The following CSPP1 variants were observed in gnomAD, a reference collection of about 807,000 sequenced individuals.
CSPP1 encodes centrosome and spindle pole-associated protein 1.
CSPP1 carries 126 observed loss-of-function variants against 164.4 expected under a neutral mutation model. The observed-to-expected ratio is 0.77, with a 90% confidence interval of 0.66 to 0.89. CSPP1 has a LOEUF of 0.89. Ranked by LOEUF, CSPP1 falls within the 40% of genes least tolerant of loss-of-function variation. The probability of loss-of-function intolerance (pLI) is 0.00; values close to 1 mark genes in which losing one functional copy is unlikely to be tolerated. For synonymous variants in CSPP1, 472 were observed against 476.7 expected, an observed-to-expected ratio of 0.99 and a Z score of 0.13; for missense variants, 1,395 against 1,449.8, an observed-to-expected ratio of 0.96 and a Z score of 0.61.
At chr8:67,109,430 A>G (rs546664484) in intron 9 of CSPP1, among the ~76,000 whole-genome samples, 2 of 152,272 alleles carry the variant, frequency 1.3e-5, no homozygotes, top group African/African-American at 4.8e-5. Context: ...ACCTAAGATA[A>G]TCTCTCTTTT....
intron 13 of CSPP1, among the ~76,000 whole-genome samples, chr8:67,116,401 G>A (rs1487452429): frequency 6.6e-6 from 1 of 152,068 alleles, no homozygotes; most frequent in East Asian, 1.9e-4. Context: ...ATTTTGGGAT[G>A]TTTTTGATAT....
At chr8:67,087,697 T>C (rs1290376442) in intron 4 of CSPP1, among the ~76,000 whole-genome samples, 1 of 152,186 alleles carries the variant, frequency 6.6e-6, no homozygotes, top group Non-Finnish European at 1.5e-5. Context: ...ATCATTCTTT[T>C]TGAGAGTAGT....
At chr8:67,182,494 A>G (rs1833301961) in intron 28 of CSPP1, among the ~76,000 whole-genome samples, 1 of 152,220 alleles carries the variant, frequency 6.6e-6, no homozygotes, top group Non-Finnish European at 1.5e-5. Flanking sequence ...TCTTTTGGGT[A>G]TACACTAAGA....
rs1328155596 is a variant in CSPP1, at chr8:67,164,489, G to A, written c.2809G>A (p.Asp937Asn). Residue 937 changes from aspartate (D) to asparagine (N), a missense_variant, in exon 24 of 31, where the codon GAT (aspartate) becomes AAT (asparagine). Asp to Asn is a conservative substitution (Grantham distance 23, BLOSUM62 1). Coordinates refer to ENST00000678616, the MANE Select transcript of CSPP1 (RefSeq NM_001382391.1). ...LQERLLHMDSDDEIPIRKKER... is the reference protein window; with the variant it reads ...LQERLLHMDSNDEIPIRKKER... ...AGAGCGATTGCTACACATGGACAGT[G>A]ATGATGAAATTCCTATCAGGCAAGT... The A allele has an allele frequency of 1.3e-6, 2 of 1,563,634 alleles. No individual in the cohort carries two copies. Among genetic ancestry groups the A allele is most frequent in the South Asian group, 2.2e-5 (2 of 89,220 alleles).
Position 67,116,129 on chromosome 8 carries a change from G to A in CSPP1, c.1496+7G>A. The A allele has an allele frequency of 3.7e-6, 6 of 1,603,546 alleles. No individual in the cohort carries two copies. The highest frequency in any genetic ancestry group is 5.1e-6 in the Non-Finnish European group (6 of 1,170,470). On this transcript the variant is annotated splice_region_variant and intron_variant, in intron 13 of 30. Coordinates refer to ENST00000678616, the MANE Select transcript of CSPP1 (RefSeq NM_001382391.1). ...GTGAAATGGTGTCTCCCAGGTGCTT[G>A]TTTAAATGTTTTGTGTTTGGGAATT...
Position 67,105,938 on chromosome 8 carries a change from TC to T in CSPP1, c.1057del (p.Gln353LysfsTer29). Reference sequence around the variant, plus strand: ...ACAATGAAACATCCAAATCTGCTAATCAAGATACCTGTAGTCCTTTTGCAGG... The same window carrying T: ...ACAATGAAACATCCAAATCTGCTAATAAGATACCTGTAGTCCTTTTGCAGG... ...PDNETSKSAN[Q>X]DTCSPFAGML... On this transcript the variant is annotated frameshift_variant, in exon 9 of 31. Transcript: ENST00000678616. LOFTEE classifies it high-confidence loss of function. 6.3e-7 allele frequency: 1 copy of T among 1,595,090 alleles called. No individual in the cohort carries two copies.
At chr8:67,113,567 A>T (rs1392198851) in intron 10 of CSPP1, among the ~76,000 whole-genome samples, 1 of 152,112 alleles carries the variant, frequency 6.6e-6, no homozygotes, top group African/African-American at 2.4e-5. Flanking sequence ...GAAATACTCT[A>T]GGCATTGGCT....
intron 15 of CSPP1, among the ~76,000 whole-genome samples, chr8:67,123,610 G>GTT (rs566476440): frequency 1.4e-4 from 18 of 128,130 alleles, no homozygotes; most frequent in South Asian, 2.5e-4. Flanking sequence ...TTTCTTCTTC[G>GTT]TTTTTTTTTT....
intron 5 of CSPP1, among the ~76,000 whole-genome samples, chr8:67,093,203 A>T (rs1218494993): frequency 6.6e-6 from 1 of 152,198 alleles, no homozygotes; most frequent in Non-Finnish European, 1.5e-5. Context: ...GGAAAATGTC[A>T]TCTAAGCTCT....
intron 28 of CSPP1, among the ~76,000 whole-genome samples, chr8:67,183,558 C>A (rs1032269441): frequency 6.6e-6 from 1 of 152,052 alleles, no homozygotes; most frequent in Non-Finnish European, 1.5e-5. Flanking sequence ...ACGCATAGGT[C>A]AGAGAAAAAA....
intron 1 of CSPP1, among the ~76,000 whole-genome samples, chr8:67,066,442 A>C (rs1585760913): frequency 6.7e-6 from 1 of 148,826 alleles, no homozygotes; most frequent in African/African-American, 2.5e-5. Flanking sequence ...CCCCCACCGC[A>C]CATGTTATCA....
At chr8:67,151,346 T>A (rs1041100782) in intron 18 of CSPP1, among the ~76,000 whole-genome samples, 1 of 152,230 alleles carries the variant, frequency 6.6e-6, no homozygotes, top group Non-Finnish European at 1.5e-5. Flanking sequence ...CCTTTTCATA[T>A]TATTGCTGCT....
chr8:67,137,345 A>T, intron 16 of CSPP1, 111 bp from the exon 17 acceptor site: 1 of 832,614 alleles, frequency 1.2e-6, no homozygotes, highest in African/African-American at 1.8e-5. Context: ...AAAAAAAAAA[A>T]GCAAATTTTT....
At chr8:67,083,351 G>A (rs747204123) in intron 3 of CSPP1, among the ~76,000 whole-genome samples, 5 of 151,196 alleles carry the variant, frequency 3.3e-5, no homozygotes, top group African/African-American at 4.9e-5. Context: ...GGCCAATATG[G>A]TGAAACCCCG....
intron 9 of CSPP1, among the ~76,000 whole-genome samples, chr8:67,110,878 T>TGTC (rs1554578786): frequency 6.6e-6 from 1 of 152,106 alleles, no homozygotes; most frequent in African/African-American, 2.4e-5. Context: ...TTGTTGTTGT[T>TGTC]TATTTGTTTT....
chr8:67,110,853 C>CTGTTGT (rs57306340), intron 9 of CSPP1, among the ~76,000 whole-genome samples: 8,134 of 151,708 alleles, frequency 0.054, 354 homozygotes, highest in African/African-American at 0.12. Flanking sequence ...TCTAATGTTT[C>CTGTTGT]TGTTGTTGTT....
chr8:67,187,626 G>A (rs1275295029), intron 28 of CSPP1, among the ~76,000 whole-genome samples: 7 of 152,062 alleles, frequency 4.6e-5, no homozygotes, highest in South Asian at 2.1e-4. Context: ...CAAGGCTGCC[G>A]TGAGCTATGA....
rs1052047932 is a variant in CSPP1, at chr8:67,118,126, G to A, written c.1497-122G>A. The A allele has an allele frequency of 5.0e-6, 5 of 996,142 alleles. 1 individual carries two copies. Among genetic ancestry groups the A allele is most frequent in the East Asian group, 2.4e-5 (1 of 40,916 alleles). 61.7% of individuals were successfully genotyped at this position (996,142 alleles called of 1,614,324 possible). A position where few individuals can be genotyped will look rare whatever the true frequency, so the allele number is the denominator to read the frequency against. On this transcript the variant is annotated intron_variant, in intron 13 of 30. Transcript: ENST00000678616. ...TTTGGTGAATGATTGGAGCAAGATG[G>A]TGACATTTTCTAAAGTAGTGATAGG...
chr8:67,138,676 C>A (rs1031476716), intron 17 of CSPP1, among the ~76,000 whole-genome samples: 1 of 152,036 alleles, frequency 6.6e-6, no homozygotes, highest in Non-Finnish European at 1.5e-5. Context: ...GTGATAGAAT[C>A]GGAAGATTGG....
Sources: gnomAD v4.1 joint callset for allele counts (sites outside exome capture counted in the v4.1 genomes callset) on GRCh38, gnomAD v4.1.1 for gene constraint, MANE v1.5 for transcripts, NCBI Gene and HGNC (gene_info 2026-07-23, HGNC 2026-07-21) for gene names.